Variants in TAF4 observed in about 807,000 individuals in gnomAD.
The protein encoded by TAF4 is transcription initiation factor TFIID subunit 4.
A neutral mutation model predicts 90.3 loss-of-function variants in TAF4; 9 were observed. The ratio of observed to expected loss-of-function variants is 0.10; its 90% CI spans 0.06 to 0.17. TAF4 has a LOEUF of 0.17. Ranked by LOEUF, TAF4 falls within the 10% of genes least tolerant of loss-of-function variation. The pLI is 1.00. For synonymous variants in TAF4, 818 were observed against 638.9 expected (o/e 1.28, Z -4.23); for missense variants, 1,351 against 1,370.7 (o/e 0.99, Z 0.23).
intron 1 of TAF4, among the ~76,000 whole-genome samples, chr20:62,025,354 A>G (rs1475866120): frequency 6.6e-6 from 1 of 152,248 alleles, no homozygotes; most frequent in African/African-American, 2.4e-5. Context: ...AATGGGATGA[A>G]CTACTGATAC....
intron 1 of TAF4, among the ~76,000 whole-genome samples, chr20:62,063,393 C>T (rs990908538): frequency 6.6e-6 from 1 of 152,108 alleles, no homozygotes; most frequent in African/African-American, 2.4e-5. Context: ...CTGCACGGCA[C>T]GCGTCACCAC....
chr20:62,022,867 C>T (rs553699850), intron 1 of TAF4, among the ~76,000 whole-genome samples: 57 of 152,102 alleles, frequency 3.7e-4, no homozygotes, highest in Middle Eastern at 3.4e-3. Context: ...TGCAGCCCCC[C>T]CCCCGCACAT....
chr20:61,983,097 A>G (rs2055560638), intron 14 of TAF4, among the ~76,000 whole-genome samples: 1 of 152,106 alleles, frequency 6.6e-6, no homozygotes, highest in African/African-American at 2.4e-5. Flanking sequence ...TCCCCTGTGG[A>G]GGTCCTGTCA....
chr20:62,003,129 C>T lies in TAF4; in HGVS notation c.2486+31G>A, dbSNP rs1337636125. 5 of 1,585,356 alleles carry T rather than the reference C, an allele frequency of 3.2e-6. No individual in the cohort carries two copies. In the South Asian group the frequency reaches 3.3e-5, roughly 11 times the overall value. ...TGGACTCTTCTCCGCTCTGGCCACG[C>T]TTCTCCAACGTACACAGGCCCATTC... On this transcript the variant is annotated intron_variant, in intron 9 of 14. Coordinates refer to ENST00000252996, the MANE Select transcript of TAF4 (RefSeq NM_003185.4).
chr20:61,992,744 T>G (rs1341961390), intron 14 of TAF4, among the ~76,000 whole-genome samples: 1 of 152,140 alleles, frequency 6.6e-6, no homozygotes, highest in African/African-American at 2.4e-5. Flanking sequence ...AATGACTTTT[T>G]CGGTCTGAAA....
rs1221055187 is a variant in TAF4 at position 62,065,252 on chromosome 20, CA to C, written c.558del (p.Gly187AlafsTer12). On this transcript the variant is annotated frameshift_variant, in exon 1 of 15. Coordinates refer to ENST00000252996, the MANE Select transcript of TAF4 (RefSeq NM_003185.4). LOFTEE classifies it high-confidence loss of function. ...PGPGPGPGPG[P>X]GKPAGPGAAQ... ...GCGGCGCCGGGGCCGGCGGGCTTGC[CA>C]GGGCCAGGGCCGGGGCCGGGGCCGG... 0.011 allele frequency: 70 copies of C among 6,194 alleles called. No individual in the cohort carries two copies. Among genetic ancestry groups the C allele is most frequent in the Middle Eastern group, 0.056 (1 of 18 alleles). 0.4% of individuals were successfully genotyped at this position (6,194 alleles called of 1,614,324 possible).
At position 62,065,405 on chromosome 20, in the gene TAF4, A is replaced by C. The variant is rs113875178; in HGVS notation, c.406T>G (p.Ser136Ala). Residue 136 changes from serine (S) to alanine (A), a missense_variant, in exon 1 of 15, where the codon TCC becomes GCC. By Grantham distance (99) the Ser-to-Ala change is moderately conservative. Around this residue, in one of 9 missense-constraint regions of TAF4, gnomAD observed 782 missense variants for 536.6 expected, o/e 1.46. Coordinates refer to ENST00000252996, the MANE Select transcript of TAF4 (RefSeq NM_003185.4). The stretch of plus-strand genomic sequence containing the variant: ...GCGGCGGCGGGCACCGGGGCGCAGG[A>C]CCCCGCGCTGCCCTCGGGCGGCGGC... Reference protein sequence around the residue: ...LRPPPEGSAGSCAPVPAAAAV... With the variant: ...LRPPPEGSAGACAPVPAAAAV... 973,723 of 973,780 alleles carry C rather than the reference A, an allele frequency of 1. 486,833 individuals are homozygous for C. Among genetic ancestry groups the C allele is most frequent in the Non-Finnish European group, 1 (824,386 of 824,406 alleles). The allele number at this position is 973,780 out of a possible 1,614,324, so 60.3% of individuals were successfully genotyped here. A position where few individuals can be genotyped will look rare whatever the true frequency, so the allele number is the denominator to read the frequency against.
intron 1 of TAF4, among the ~76,000 whole-genome samples, chr20:62,021,550 G>A (rs937965643): frequency 5.3e-5 from 8 of 152,260 alleles, no homozygotes; most frequent in Non-Finnish European, 8.8e-5. Context: ...ACGCGGAGTC[G>A]GCCAGGGCTG....
intron 1 of TAF4, among the ~76,000 whole-genome samples, chr20:62,026,111 AAC>A (rs1414761722): frequency 6.6e-6 from 1 of 152,154 alleles, no homozygotes; most frequent in Non-Finnish European, 1.5e-5. Flanking sequence ...TCTTCCTCCC[AAC>A]GTCCTTCCCG....
chr20:61,992,473 C>T (rs115483679), intron 14 of TAF4, among the ~76,000 whole-genome samples: 6 of 152,052 alleles, frequency 3.9e-5, no homozygotes, highest in African/African-American at 7.3e-5. Context: ...TCCCCACCCC[C>T]CAAGCCCTTG....
At chr20:61,981,099 A>C (rs1286762553) in intron 14 of TAF4, 2 of 152,250 alleles carry the variant, frequency 1.3e-5, no homozygotes, top group Admixed American at 1.3e-4. Flanking sequence ...GGCCGGGAGA[A>C]CTGGAGGACA....
At chr20:62,060,475 G>A (rs1174409135) in intron 1 of TAF4, among the ~76,000 whole-genome samples, 1 of 152,184 alleles carries the variant, frequency 6.6e-6, no homozygotes, top group Non-Finnish European at 1.5e-5. Context: ...GGCAGGTGAG[G>A]TCCATCCCAA....
chr20:62,018,871 G>A (rs953812112), intron 1 of TAF4, among the ~76,000 whole-genome samples: 1 of 152,260 alleles, frequency 6.6e-6, no homozygotes. Flanking sequence ...ACGGGATGGG[G>A]CATAGCCCTG....
intron 14 of TAF4, among the ~76,000 whole-genome samples, chr20:61,983,622 G>A (rs575794378): frequency 4.6e-5 from 7 of 152,264 alleles, no homozygotes; most frequent in South Asian, 4.2e-4. Context: ...CTATGATCAC[G>A]CCACCAAACT....
intron 14 of TAF4, among the ~76,000 whole-genome samples, chr20:61,991,600 A>C (rs998883983): frequency 6.6e-6 from 1 of 152,064 alleles, no homozygotes; most frequent in African/African-American, 2.4e-5. Context: ...GTCTCTAAAA[A>C]ACCAAAAAAC....
At position 62,064,438 on chromosome 20, in the gene TAF4, T is replaced by G; in HGVS notation, c.1360+13A>C. ...GGAGCCGCCCTTCCCTCCCGCCCCG[T>G]GCGGCCACTCACCTGGGGGCAGCTG... On this transcript the variant is annotated intron_variant, in intron 1 of 14. Coordinates refer to ENST00000252996, the MANE Select transcript of TAF4 (RefSeq NM_003185.4). 1 of 1,372,272 alleles carries G rather than the reference T, an allele frequency of 7.3e-7. No individual in the cohort carries two copies. The highest frequency in any genetic ancestry group is 9.5e-7 in the Non-Finnish European group (1 of 1,054,732). The allele number at this position is 1,372,272 out of a possible 1,614,324, so 85.0% of individuals were successfully genotyped here. A position where few individuals can be genotyped will look rare whatever the true frequency, so the allele number is the denominator to read the frequency against.
chr20:61,980,850 T>C (rs1483870022), intron 14 of TAF4: 3 of 152,134 alleles, frequency 2.0e-5, no homozygotes, highest in African/African-American at 7.2e-5. Flanking sequence ...AAGGCCGCGG[T>C]GGGGCGGGGT....
rs2055484013 is a variant in TAF4 at position 61,974,994 on chromosome 20, A to G, written c.*1174T>C. ...AAGGTGTAACAGTTCTCAGGTGTTG[A>G]TAAAAAATACTGATCAGCGTTCAGT... is the stretch of plus-strand genomic sequence containing the variant. On this transcript the variant is annotated 3_prime_UTR_variant, in exon 15 of 15. Transcript: ENST00000252996. This position sits in a 1 kb window ranked among gnomAD's most constrained non-coding sequence, Gnocchi z 4.1. 1 of 152,480 alleles carries G rather than the reference A, an allele frequency of 6.6e-6. No individual in the cohort carries two copies. Among genetic ancestry groups the G allele is most frequent in the Admixed American group, 6.5e-5 (1 of 15,280 alleles). The allele number at this position is 152,480 out of a possible 1,614,324, so 9.4% of individuals were successfully genotyped here.
intron 1 of TAF4, among the ~76,000 whole-genome samples, chr20:62,047,705 A>G (rs905343680): frequency 1.3e-5 from 2 of 152,242 alleles, no homozygotes; most frequent in Non-Finnish European, 2.9e-5. Flanking sequence ...GTGAGCGCAG[A>G]GCGCACCGTC....
Sources: gnomAD v4.1 joint callset for allele counts (sites outside exome capture counted in the v4.1 genomes callset) on GRCh38, gnomAD v4.1.1 for gene constraint, gnomAD v4.1.1 regional missense constraint, Gnocchi (gnomAD v3.1) non-coding constraint, MANE v1.5 for transcripts, NCBI Gene and HGNC (gene_info 2026-07-23, HGNC 2026-07-21) for gene names.